DYSF: variants seen among roughly 807,000 people sequenced by gnomAD.
The protein encoded by DYSF is dystrophy-associated fer-1-like 1.
A neutral mutation model predicts 274.9 loss-of-function variants in DYSF; 212 were observed. That is an observed-to-expected ratio of 0.77 (90% CI 0.69 to 0.86). The LOEUF is 0.86. DYSF is among the 40% of genes least tolerant of loss of function. DYSF has a pLI of 0.00. For missense variants in DYSF, 2,666 were observed against 2,783.2 expected (o/e 0.96, Z 0.95); for synonymous variants, 1,091 against 1,078.7 (o/e 1.01, Z -0.22).
chr2:71,625,022 A>T (rs921965533), intron 41 of DYSF, among the ~76,000 whole-genome samples: 1 of 152,064 alleles, frequency 6.6e-6, no homozygotes, highest in African/African-American at 2.4e-5. Flanking sequence ...AATTTTATGT[A>T]TTTATGTTAT....
At chr2:71,657,447 G>T (rs1176583559) in intron 43 of DYSF, among the ~76,000 whole-genome samples, 5 of 152,168 alleles carry the variant, frequency 3.3e-5, no homozygotes, top group Non-Finnish European at 2.9e-5. Context: ...GAGGAAGGTG[G>T]CCCTCTTCTC....
chr2:71,489,669 G>T (rs893751592), intron 3 of DYSF, among the ~76,000 whole-genome samples: 1 of 152,206 alleles, frequency 6.6e-6, no homozygotes, highest in Non-Finnish European at 1.5e-5. Context: ...TGGGGAGGGG[G>T]CCTGGCCAGT....
intron 41 of DYSF, among the ~76,000 whole-genome samples, chr2:71,638,849 G>A (rs1357879099): frequency 1.3e-5 from 2 of 152,110 alleles, no homozygotes; most frequent in Non-Finnish European, 2.9e-5. Flanking sequence ...TATATACCTA[G>A]GAATGGAATT....
Position 71,611,455 on chromosome 2 carries a change from G to A in DYSF, c.4060-10G>A. The A allele has an allele frequency of 6.2e-7, 1 of 1,614,116 alleles. No homozygotes were observed. The highest frequency in any genetic ancestry group is 8.5e-7 in the Non-Finnish European group (1 of 1,180,022). ...CCTTCTGAGCCACTCTCCTCATTCT[G>A]TGTGCTTAGATCCTGGCATGGGGCC... On this transcript the variant is annotated splice_polypyrimidine_tract_variant and intron_variant, in intron 37 of 55. Coordinates refer to ENST00000410020, the MANE Select transcript of DYSF (RefSeq NM_001130987.2).
rs376304823 is a variant in DYSF, at chr2:71,568,895, C to T, written c.2864+557C>T. 4.5e-4 allele frequency among the ~76,000 whole-genome samples: 65 copies of T among 143,506 alleles called. 1 individual carries two copies. The East Asian group carries it at 0.01, about 23-fold the overall frequency. 94.1% of individuals were successfully genotyped at this position (143,506 alleles called of 152,430 possible). On this transcript the variant is annotated intron_variant, in intron 26 of 55. Coordinates refer to ENST00000410020, the MANE Select transcript of DYSF (RefSeq NM_001130987.2). Reference sequence around the variant, plus strand: ...TTCTCTCTCTTTTTTTTTTTTGAGACGGAGTCTCGCTCGGTCGCCCAGGCT... The same window carrying T: ...TTCTCTCTCTTTTTTTTTTTTGAGATGGAGTCTCGCTCGGTCGCCCAGGCT...
At chr2:71,627,543 G>T (rs1035648630) in intron 41 of DYSF, among the ~76,000 whole-genome samples, 1 of 152,058 alleles carries the variant, frequency 6.6e-6, no homozygotes, top group African/African-American at 2.4e-5. Context: ...TGCTTGAAAA[G>T]AATGTGTATT....
intron 16 of DYSF, among the ~76,000 whole-genome samples, chr2:71,537,334 C>T (rs1573827085): frequency 6.7e-6 from 1 of 148,678 alleles, no homozygotes; most frequent in South Asian, 2.1e-4. Flanking sequence ...CAACCTCTGC[C>T]TCCCAGGTTC....
chr2:71,487,952 C>T (rs567888136), intron 3 of DYSF, among the ~76,000 whole-genome samples: 1 of 152,166 alleles, frequency 6.6e-6, no homozygotes, highest in African/African-American at 2.4e-5. Flanking sequence ...GCTGAAACTG[C>T]ACATGGTAAA....
chr2:71,577,528 C>CTA (rs111880320), intron 30 of DYSF, among the ~76,000 whole-genome samples: 58,103 of 149,188 alleles, frequency 0.39, 12,134 homozygotes, highest in African/African-American at 0.54. Flanking sequence ...TGCAGCCCCC[C>CTA]CACTCTCACA....
chr2:71,462,128 G>T (rs1250542190), upstream of DYSF, among the ~76,000 whole-genome samples: 2 of 152,218 alleles, frequency 1.3e-5, no homozygotes, highest in African/African-American at 4.8e-5. Flanking sequence ...GCTGTGCTCA[G>T]CTCTCAGTAC....
At chr2:71,455,702 C>T (rs2081031947) in intron 1 of DYSF, among the ~76,000 whole-genome samples, 1 of 152,148 alleles carries the variant, frequency 6.6e-6, no homozygotes, top group Non-Finnish European at 1.5e-5. Flanking sequence ...GAAGCAGCCT[C>T]CTCCCACGCC....
chr2:71,477,652 C>T (rs2082498554), intron 1 of DYSF, among the ~76,000 whole-genome samples: 1 of 152,124 alleles, frequency 6.6e-6, no homozygotes, highest in African/African-American at 2.4e-5. Context: ...TCCAAATGAC[C>T]AATGCAACTG....
chr2:71,518,954 A>G (rs111300900), intron 10 of DYSF, among the ~76,000 whole-genome samples: 1 of 151,726 alleles, frequency 6.6e-6, no homozygotes, highest in Non-Finnish European at 1.5e-5. Flanking sequence ...TTAGCTGGGC[A>G]TGGTGGTATG....
chr2:71,620,581 A>G lies in DYSF; in HGVS notation c.4499A>G (p.Asn1500Ser). 6.4e-7 allele frequency: 1 copy of G among 1,550,758 alleles called. No homozygotes were observed. The highest frequency in any genetic ancestry group is 1.2e-5 in the South Asian group (1 of 84,024). The change falls in exon 41 of 56, where the codon AAC becomes AGC. Residue 1500 changes from asparagine (N) to serine (S), a missense_variant. Transcript: ENST00000410020. ...GGTCTGTCGAGCTTGGCCCCCACTA[A>G]CACGGCTTCTCCTCCATCCAGTCCT... The part of the protein sequence containing the change: ...ADGLSSLAPT[N>S]TASPPSSPHE...
chr2:71,581,300 A>G (rs1054186335), intron 30 of DYSF, among the ~76,000 whole-genome samples: 3 of 152,188 alleles, frequency 2.0e-5, no homozygotes, highest in Non-Finnish European at 4.4e-5. Context: ...GCCAGCCAGT[A>G]GTTTTGCAAG....
At chr2:71,598,801 G>T (rs1574265232) in intron 33 of DYSF, 56 bp downstream of exon 33, 1 of 1,596,206 alleles carries the variant, frequency 6.3e-7, no homozygotes. Flanking sequence ...ATGTGCAAAG[G>T]TGGGGTCTCC....
chr2:71,497,242 A>C (rs1283158844), intron 3 of DYSF, among the ~76,000 whole-genome samples: 1 of 152,188 alleles, frequency 6.6e-6, no homozygotes, highest in African/African-American at 2.4e-5. Context: ...TTCTTACTCA[A>C]ATCAGCCTCC....
rs765136335 is a variant in DYSF, at chr2:71,600,800, G to C, written c.3855G>C (p.Ser1285=). Residue 1285 remains serine (S), a synonymous_variant, in exon 34 of 56, where the codon TCG becomes TCC. Coordinates refer to ENST00000410020, the MANE Select transcript of DYSF (RefSeq NM_001130987.2). ...WFPLTRGSQP[S]GELLASFELI... is the part of the protein sequence containing the mutation. ...CACTGACGAGGGGCAGCCAGCCGTC[G>C]GGGGAGCTGCTGGCCTCTTTTGAGC... 1 of 1,613,160 alleles carries C rather than the reference G, an allele frequency of 6.2e-7. No individual in the cohort carries two copies. The highest frequency in any genetic ancestry group is 1.3e-5 in the African/African-American group (1 of 74,932).
At chr2:71,676,132 A>G (rs907336158) in intron 52 of DYSF, among the ~76,000 whole-genome samples, 1 of 152,182 alleles carries the variant, frequency 6.6e-6, no homozygotes, top group Non-Finnish European at 1.5e-5. Flanking sequence ...CCCTCGGCAT[A>G]TGCACATCCT....
Sources: gnomAD v4.1 joint callset for allele counts (sites outside exome capture counted in the v4.1 genomes callset) on GRCh38, gnomAD v4.1.1 for gene constraint, MANE v1.5 for transcripts, NCBI Gene and HGNC (gene_info 2026-07-23, HGNC 2026-07-21) for gene names.